The following PRDM16 variants were observed in gnomAD, a reference collection of about 807,000 sequenced individuals.
PRDM16 encodes histone-lysine N-methyltransferase PRDM16.
In PRDM16, 23 loss-of-function variants were observed where a neutral mutation model predicts 110.6. The observed-to-expected ratio is 0.21, with a 90% CI of 0.15 to 0.29. The LOEUF is 0.29. PRDM16 is among the 10% of genes least tolerant of loss of function. PRDM16 has a pLI of 1.00. For missense variants in PRDM16, 1,615 were observed against 1,794.3 expected, an observed-to-expected ratio of 0.90 and a Z score of 1.81; for synonymous variants, 799 against 781.8, an observed-to-expected ratio of 1.02 and a Z score of -0.37.
At chr1:3,271,152 C>T (rs1004703891) in intron 3 of PRDM16, among the ~76,000 whole-genome samples, 7 of 152,306 alleles carry the variant, frequency 4.6e-5, no homozygotes, top group South Asian at 4.1e-4. Flanking sequence ...TGGACATTCA[C>T]GCCAGTGTGG....
intron 2 of PRDM16, among the ~76,000 whole-genome samples, chr1:3,225,278 G>A (rs780911380): frequency 2.0e-5 from 3 of 152,046 alleles, no homozygotes; most frequent in Non-Finnish European, 4.4e-5. Flanking sequence ...AAATACCCGC[G>A]GGCTCAAACA....
At chr1:3,285,260 G>A (rs1198869304) in intron 3 of PRDM16, among the ~76,000 whole-genome samples, 1 of 152,190 alleles carries the variant, frequency 6.6e-6, no homozygotes, top group Non-Finnish European at 1.5e-5. Flanking sequence ...CCCCGTGGAG[G>A]CCCCTGCCTC....
intron 3 of PRDM16, among the ~76,000 whole-genome samples, chr1:3,292,534 C>T (rs948018059): frequency 1.3e-5 from 2 of 152,210 alleles, no homozygotes; most frequent in Non-Finnish European, 1.5e-5. Flanking sequence ...TCCTGGTGAG[C>T]GGCACCGTGA....
chr1:3,239,882 C>T (rs1263798003), intron 2 of PRDM16, among the ~76,000 whole-genome samples: 2 of 150,628 alleles, frequency 1.3e-5, no homozygotes, highest in African/African-American at 2.5e-5. Flanking sequence ...CCCAGGAGGT[C>T]GAGGTTGCAG....
chr1:3,413,950 G>A (rs1344768405), intron 9 of PRDM16, among the ~76,000 whole-genome samples: 2 of 152,192 alleles, frequency 1.3e-5, no homozygotes, highest in South Asian at 2.1e-4. Flanking sequence ...GGCCCTGTCT[G>A]GGTGCTGCAG....
intron 3 of PRDM16, among the ~76,000 whole-genome samples, chr1:3,330,876 A>G (rs2100487120): frequency 6.6e-6 from 1 of 152,358 alleles, no homozygotes; most frequent in South Asian, 2.1e-4. Context: ...GCCTCCAGCC[A>G]GAGACTTTCT....
chr1:3,118,213 A>G (rs373032033), intron 1 of PRDM16, among the ~76,000 whole-genome samples: 82 of 151,904 alleles, frequency 5.4e-4, no homozygotes, highest in African/African-American at 1.6e-3. Context: ...GCACACACGC[A>G]CACACACACG....
chr1:3,161,678 C>T (rs1384589148), intron 1 of PRDM16, among the ~76,000 whole-genome samples: 2 of 152,218 alleles, frequency 1.3e-5, no homozygotes, highest in African/African-American at 4.8e-5. Context: ...AGAGAGGGCT[C>T]CAGCCCCAGC....
chr1:3,116,287 G>A (rs1478259782), intron 1 of PRDM16, among the ~76,000 whole-genome samples: 3 of 152,140 alleles, frequency 2.0e-5, no homozygotes, highest in Admixed American at 6.5e-5. Flanking sequence ...AGAGCTCCCC[G>A]GCTGCCCTGC....
At chr1:3,235,985 TG>T (rs1557548563) in intron 2 of PRDM16, among the ~76,000 whole-genome samples, 1 of 152,126 alleles carries the variant, frequency 6.6e-6, no homozygotes, top group South Asian at 2.1e-4. Flanking sequence ...CCAAGCATTC[TG>T]GAAGTTTGGG....
At chr1:3,117,463 G>A (rs1373694123) in intron 1 of PRDM16, among the ~76,000 whole-genome samples, 1 of 152,182 alleles carries the variant, frequency 6.6e-6, no homozygotes, top group Non-Finnish European at 1.5e-5. Flanking sequence ...GAGCCTGTGA[G>A]GTGCATGTCT....
chr1:3,122,609 G>A lies in PRDM16; in HGVS notation c.37+53313G>A, dbSNP rs115754592. Among the ~76,000 whole-genome samples the A allele has an allele frequency of 6.2e-3, 950 of 152,200 alleles. 8 individuals are homozygous for A. The highest frequency in any genetic ancestry group is 0.021 in the African/African-American group (865 of 41,512). ...CAAGAGGAAGAAAGGATCATTATAC[G>A]AGTGGAAAAAATGAACCGTCTCGAC... On this transcript the variant is annotated intron_variant, in intron 1 of 16. Transcript: ENST00000270722.
chr1:3,119,812 CCT>C (rs1399601337), intron 1 of PRDM16, among the ~76,000 whole-genome samples: 1 of 152,238 alleles, frequency 6.6e-6, no homozygotes, highest in Admixed American at 6.5e-5. Flanking sequence ...AAGGCCTGCC[CCT>C]GTCACGCCGG....
chr1:3,091,351 G>A (rs1486815865), intron 1 of PRDM16, among the ~76,000 whole-genome samples: 2 of 152,158 alleles, frequency 1.3e-5, no homozygotes, highest in Non-Finnish European at 2.9e-5. Context: ...TTAAGCGGGT[G>A]CAGCCAGGCC....
At chr1:3,163,667 C>G (rs979982683) in intron 1 of PRDM16, among the ~76,000 whole-genome samples, 1 of 152,166 alleles carries the variant, frequency 6.6e-6, no homozygotes, top group African/African-American at 2.4e-5. Context: ...GAACCCTTGT[C>G]CCGGCCTCCT....
At chr1:3,211,102 G>C (rs933638405) in intron 2 of PRDM16, among the ~76,000 whole-genome samples, 27 of 152,236 alleles carry the variant, frequency 1.8e-4, no homozygotes, top group African/African-American at 5.8e-4. Context: ...CACCCACTAG[G>C]CATCTATTTC....
At position 3,080,971 on chromosome 1, in the gene PRDM16, C is replaced by T. The variant is rs1000800642; in HGVS notation, c.37+11675C>T. On this transcript the variant is annotated intron_variant, in intron 1 of 16. Transcript: ENST00000270722. The surrounding 1 kb of genome is among the most constrained non-coding windows in gnomAD (Gnocchi z 5.2). ...GGGGTGGCGGGGCGGGGGGGGTCTG[C>T]ACATTCCGCCGAGTGTCCTCATGAA... 1.3e-4 allele frequency among the ~76,000 whole-genome samples: 19 copies of T among 151,270 alleles called. No individual in the cohort carries two copies. The highest frequency in any genetic ancestry group is 4.4e-4 in the African/African-American group (18 of 41,088).
At chr1:3,193,152 G>C (rs1638359949) in intron 2 of PRDM16, among the ~76,000 whole-genome samples, 3 of 152,214 alleles carry the variant, frequency 2.0e-5, no homozygotes, top group African/African-American at 7.2e-5. Flanking sequence ...AGCAGACGCA[G>C]CGGCTTACCA....
chr1:3,287,552 GC>G (rs1334007655), intron 3 of PRDM16, among the ~76,000 whole-genome samples: 29 of 52,064 alleles, frequency 5.6e-4, no homozygotes, highest in African/African-American at 2.9e-3. Flanking sequence ...GGCTGGAGCC[GC>G]CCCCTGCCAC....
Sources: allele counts gnomAD v4.1 joint callset (sites outside exome capture counted in the v4.1 genomes callset), GRCh38; gene constraint gnomAD v4.1.1; non-coding constraint Gnocchi (gnomAD v3.1); transcripts MANE v1.5; gene names NCBI Gene and HGNC (gene_info 2026-07-23, HGNC 2026-07-21).